The following NEGR1 variants were observed in gnomAD, a reference collection of about 807,000 sequenced individuals.
NEGR1 encodes the protein IgLON family member 4.
In NEGR1, 10 loss-of-function variants were observed where a neutral mutation model predicts 40.9. The ratio of observed to expected loss-of-function variants is 0.24; its 90% CI spans 0.15 to 0.42. The LOEUF is 0.42. NEGR1 is among the 10% of genes least tolerant of loss of function. NEGR1 has a pLI of 1.00. For synonymous variants in NEGR1, 185 were observed against 166.8 expected, an observed-to-expected ratio of 1.11 and a Z score of -0.84; for missense variants, 352 against 438.9, an observed-to-expected ratio of 0.80 and a Z score of 1.77.
At position 71,404,391 on chromosome 1, in the gene NEGR1, A is replaced by G. The variant is rs1646264810; in HGVS notation, c.*3055T>C. The G allele has an allele frequency of 6.6e-6, 1 of 152,184 alleles. No individual in the cohort carries two copies. The highest frequency in any genetic ancestry group is 6.6e-5 in the Admixed American group (1 of 15,196). 9.4% of individuals were successfully genotyped at this position (152,184 alleles called of 1,614,324 possible). On this transcript the variant is annotated 3_prime_UTR_variant, in exon 7 of 7. Transcript: ENST00000357731. ...TTTTATTATATAATTGCTGCATAAT[A>G]GGAACTTAATGGTATAATAGGACTT...
chr1:72,113,528 G>T (rs562372280), intron 1 of NEGR1, among the ~76,000 whole-genome samples: 1 of 151,684 alleles, frequency 6.6e-6, no homozygotes, highest in Non-Finnish European at 1.5e-5. Context: ...GTGTTTGTGT[G>T]TATGTGTGTG....
At chr1:71,667,951 T>C (rs1652296069) in intron 4 of NEGR1, among the ~76,000 whole-genome samples, 1 of 152,240 alleles carries the variant, frequency 6.6e-6, no homozygotes, top group Non-Finnish European at 1.5e-5. Context: ...TTAATACATA[T>C]GAAAGTAGCA....
intron 3 of NEGR1, among the ~76,000 whole-genome samples, chr1:71,723,085 A>G (rs1363892458): frequency 6.6e-6 from 1 of 151,256 alleles, no homozygotes; most frequent in Non-Finnish European, 1.5e-5. Context: ...TGTCTTTTTC[A>G]TCTAGCTGCT....
intron 6 of NEGR1, among the ~76,000 whole-genome samples, chr1:71,485,924 A>G (rs577263472): frequency 2.0e-5 from 3 of 151,874 alleles, no homozygotes; most frequent in South Asian, 2.1e-4. Context: ...TTGTGCAGAC[A>G]TAATTTTTCA....
intron 2 of NEGR1, among the ~76,000 whole-genome samples, chr1:71,875,176 A>G (rs1660389735): frequency 6.6e-5 from 10 of 152,166 alleles, no homozygotes; most frequent in Admixed American, 6.6e-4. Flanking sequence ...AAGTATACTT[A>G]TATTACATCA....
At chr1:72,215,571 C>G (rs1423516415) in intron 1 of NEGR1, among the ~76,000 whole-genome samples, 3 of 152,002 alleles carry the variant, frequency 2.0e-5, no homozygotes, top group Non-Finnish European at 4.4e-5. Context: ...AGACACTTCT[C>G]AAAAGAAGAT....
At chr1:71,559,004 C>T (rs1479344083) in intron 6 of NEGR1, among the ~76,000 whole-genome samples, 2 of 85,866 alleles carry the variant, frequency 2.3e-5, no homozygotes, top group South Asian at 4.6e-4. Flanking sequence ...ATTTATTTAT[C>T]TTCTCTGTGT....
chr1:72,207,481 G>A (rs1653453192), intron 1 of NEGR1, among the ~76,000 whole-genome samples: 1 of 151,826 alleles, frequency 6.6e-6, no homozygotes, highest in Non-Finnish European at 1.5e-5. Context: ...TTAAAATTTA[G>A]AGGAGCCTTT....
At chr1:71,725,291 G>C (rs1305703977) in intron 3 of NEGR1, among the ~76,000 whole-genome samples, 1 of 152,068 alleles carries the variant, frequency 6.6e-6, no homozygotes, top group Non-Finnish European at 1.5e-5. Flanking sequence ...CGTACATTGT[G>C]TAATCTCTGA....
chr1:72,189,266 T>A (rs1391344090), intron 1 of NEGR1, among the ~76,000 whole-genome samples: 1 of 151,598 alleles, frequency 6.6e-6, no homozygotes, highest in Non-Finnish European at 1.5e-5. Context: ...ATTATTTTCT[T>A]ACCTCTCTGT....
At chr1:71,490,006 T>C (rs1304944718) in intron 6 of NEGR1, 1 of 152,032 alleles carries the variant, frequency 6.6e-6, no homozygotes, top group African/African-American at 2.4e-5. Context: ...TACTTAGTGC[T>C]AATCTATATA....
At chr1:71,465,826 A>C (rs773509002) in intron 6 of NEGR1, among the ~76,000 whole-genome samples, 3 of 152,096 alleles carry the variant, frequency 2.0e-5, no homozygotes, top group African/African-American at 4.8e-5. Flanking sequence ...TGAATGGATT[A>C]GAGTAGAAAA....
At chr1:71,644,262 C>T (rs886143900) in intron 4 of NEGR1, among the ~76,000 whole-genome samples, 1 of 151,910 alleles carries the variant, frequency 6.6e-6, no homozygotes, top group African/African-American at 2.4e-5. Flanking sequence ...GAATACTAAT[C>T]CCTAGAATGC....
chr1:72,272,514 T>C (rs1655877976), intron 1 of NEGR1, among the ~76,000 whole-genome samples: 1 of 151,988 alleles, frequency 6.6e-6, no homozygotes. Flanking sequence ...ATAAATGTTA[T>C]TAGAGAAAAT....
At chr1:71,657,676 G>T (rs115041380) in intron 4 of NEGR1, among the ~76,000 whole-genome samples, 6,094 of 152,268 alleles carry the variant, frequency 0.04, 178 homozygotes, top group Non-Finnish European at 0.06. Context: ...CAAAGAGCAG[G>T]CTGGGGACGC....
Position 71,727,306 on chromosome 1 carries a change from A to T in NEGR1, c.536-29167T>A, listed in dbSNP as rs569975979. 2.0e-5 allele frequency among the ~76,000 whole-genome samples: 3 copies of T among 152,284 alleles called. 1 individual carries two copies. In the South Asian group the frequency reaches 6.2e-4, roughly 32 times the overall value. ...GTGCATAATTTTAATATACCATATAAAAACAAATAAGTAATAACCACTTTG... is the reference window on the plus strand; with the variant it reads ...GTGCATAATTTTAATATACCATATATAAACAAATAAGTAATAACCACTTTG... On this transcript the variant is annotated intron_variant, in intron 3 of 6. Coordinates refer to ENST00000357731, the MANE Select transcript of NEGR1 (RefSeq NM_173808.3).
chr1:71,830,566 C>G (rs935506724), intron 2 of NEGR1, among the ~76,000 whole-genome samples: 7 of 151,826 alleles, frequency 4.6e-5, no homozygotes, highest in African/African-American at 1.5e-4. Flanking sequence ...ACAAAACTCC[C>G]TGCTGTATTG....
chr1:71,512,784 C>A (rs951640755), intron 6 of NEGR1, among the ~76,000 whole-genome samples: 1 of 151,988 alleles, frequency 6.6e-6, no homozygotes, highest in African/African-American at 2.4e-5. Flanking sequence ...GTTCCACTCT[C>A]TTGGTCAGGT....
At chr1:71,973,197 T>C (rs1646272709) in intron 1 of NEGR1, among the ~76,000 whole-genome samples, 1 of 151,844 alleles carries the variant, frequency 6.6e-6, no homozygotes, top group Non-Finnish European at 1.5e-5. Flanking sequence ...GCGCCTGTAG[T>C]CCCAGCTACT....
Sources: gnomAD v4.1 joint callset for allele counts (sites outside exome capture counted in the v4.1 genomes callset) on GRCh38, gnomAD v4.1.1 for gene constraint, MANE v1.5 for transcripts, NCBI Gene and HGNC (gene_info 2026-07-23, HGNC 2026-07-21) for gene names.